PHKB: variants seen among roughly 807,000 people sequenced by gnomAD.
The protein encoded by PHKB is phosphorylase b kinase regulatory subunit beta.
A neutral mutation model predicts 152.1 loss-of-function variants in PHKB; 122 were observed. The ratio of observed to expected loss-of-function variants is 0.80; its 90% CI spans 0.69 to 0.93. The LOEUF is 0.93. Ranked by LOEUF, PHKB falls within the 40% of genes least tolerant of loss-of-function variation. PHKB has a pLI of 0.00. For missense variants in PHKB, 1,304 were observed against 1,328.4 expected (o/e 0.98, Z 0.29); for synonymous variants, 436 against 464.9 (o/e 0.94, Z 0.80).
chr16:47,697,335 G>C (rs1446905651), intron 29 of PHKB, among the ~76,000 whole-genome samples: 2 of 152,172 alleles, frequency 1.3e-5, no homozygotes, highest in African/African-American at 4.8e-5. Context: ...CCAGGATGTG[G>C]AATAGTATCA....
At chr16:47,587,346 T>C (rs1321186264) in intron 8 of PHKB, among the ~76,000 whole-genome samples, 1 of 152,222 alleles carries the variant, frequency 6.6e-6, no homozygotes, top group Non-Finnish European at 1.5e-5. Context: ...TTCTTTGTCA[T>C]GTTAGCTAAA....
intron 16 of PHKB, among the ~76,000 whole-genome samples, 161 bp downstream of exon 16, chr16:47,641,853 A>G (rs1449976548): frequency 6.6e-6 from 1 of 152,044 alleles, no homozygotes; most frequent in Non-Finnish European, 1.5e-5. Flanking sequence ...TTTAATGGAC[A>G]TTGTTACTAA....
intron 4 of PHKB, among the ~76,000 whole-genome samples, chr16:47,508,333 C>G (rs749926272): frequency 6.6e-6 from 1 of 152,128 alleles, no homozygotes; most frequent in African/African-American, 2.4e-5. Flanking sequence ...ATAATTCTGC[C>G]TACAGAGAGG....
intron 13 of PHKB, among the ~76,000 whole-genome samples, chr16:47,602,632 A>T (rs550014221): frequency 6.6e-6 from 1 of 150,810 alleles, no homozygotes; most frequent in East Asian, 2.0e-4. Flanking sequence ...TAGGAATCAG[A>T]CAGTCCAGGA....
intron 5 of PHKB, among the ~76,000 whole-genome samples, chr16:47,514,669 C>T (rs1016630435): frequency 3.3e-5 from 5 of 152,176 alleles, no homozygotes; most frequent in Non-Finnish European, 7.4e-5. Context: ...TAATGCTTTG[C>T]CAGCTGTCTA....
At position 47,694,402 on chromosome 16, in the gene PHKB, A is replaced by G. The variant is rs76482947; in HGVS notation, c.2895+895A>G. Among the ~76,000 whole-genome samples, 483 of 152,298 alleles carry G rather than the reference A, an allele frequency of 3.2e-3. 5 individuals are homozygous for G. Among genetic ancestry groups the G allele is most frequent in the Non-Finnish European group, 5.9e-3 (399 of 68,026 alleles). On this transcript the variant is annotated intron_variant, in intron 28 of 30. Coordinates refer to ENST00000323584, the MANE Select transcript of PHKB (RefSeq NM_000293.3). The stretch of plus-strand genomic sequence containing the variant: ...AAAGTATTCTCAAAGGCACAGACCC[A>G]CACTCATTTTGCTTGTATCTACCTA...
chr16:47,501,647 T>C (rs1308904400), intron 3 of PHKB, among the ~76,000 whole-genome samples: 1 of 152,212 alleles, frequency 6.6e-6, no homozygotes, highest in Non-Finnish European at 1.5e-5. Context: ...TGCAAGCTAA[T>C]GTTAAAATGG....
intron 13 of PHKB, 134 bp from the exon 14 acceptor site, chr16:47,610,692 T>C: frequency 1.4e-6 from 1 of 692,744 alleles, no homozygotes; most frequent in Non-Finnish European, 2.6e-6. Context: ...TGGTATATCC[T>C]GGTGGAGGAT....
intron 6 of PHKB, among the ~76,000 whole-genome samples, chr16:47,533,620 G>T (rs1458110991): frequency 6.6e-6 from 1 of 152,194 alleles, no homozygotes; most frequent in Non-Finnish European, 1.5e-5. Flanking sequence ...GGCTGTTATA[G>T]CATCTGGGCT....
chr16:47,682,807 G>T (rs1973887445), intron 26 of PHKB, among the ~76,000 whole-genome samples: 1 of 152,218 alleles, frequency 6.6e-6, no homozygotes, highest in South Asian at 2.1e-4. Flanking sequence ...TGCTGGTGAG[G>T]AGCTGCATTC....
chr16:47,495,586 T>C (rs1970218439), intron 1 of PHKB, among the ~76,000 whole-genome samples: 2 of 152,210 alleles, frequency 1.3e-5, no homozygotes, highest in Admixed American at 1.3e-4. Flanking sequence ...ATTATGATTA[T>C]TTGTACCTAA....
intron 1 of PHKB, among the ~76,000 whole-genome samples, chr16:47,478,399 A>G (rs1011605756): frequency 6.6e-6 from 1 of 152,096 alleles, no homozygotes; most frequent in African/African-American, 2.4e-5. Flanking sequence ...TTTTGGGGAA[A>G]ATTGTCATTA....
chr16:47,517,509 A>T (rs897501903), intron 6 of PHKB, among the ~76,000 whole-genome samples: 1 of 152,128 alleles, frequency 6.6e-6, no homozygotes, highest in African/African-American at 2.4e-5. Context: ...AGCCCACCTC[A>T]GTCTCCTAAA....
rs551393061 is a variant in PHKB at position 47,563,118 on chromosome 16, A to G, written c.710+15570A>G. On this transcript the variant is annotated intron_variant, in intron 7 of 30. Transcript: ENST00000323584. ...ACATCTGCTCACTCTTCTTCCATTG[A>G]AGTCTTGAACTCCTCACGCTTATCC... Among the ~76,000 whole-genome samples, 3 of 151,962 alleles carry G rather than the reference A, an allele frequency of 2.0e-5. No individual in the cohort carries two copies. The East Asian group carries it at 5.8e-4, about 29-fold the overall frequency.
chr16:47,543,181 A>G (rs1454002539), intron 6 of PHKB, among the ~76,000 whole-genome samples: 3 of 152,088 alleles, frequency 2.0e-5, no homozygotes, highest in Non-Finnish European at 4.4e-5. Context: ...TTCCATCAAT[A>G]CCTAGTTTAT....
chr16:47,575,945 G>A (rs2151690335), intron 7 of PHKB, among the ~76,000 whole-genome samples: 1 of 152,210 alleles, frequency 6.6e-6, no homozygotes, highest in Non-Finnish European at 1.5e-5. Context: ...GTGTGGTGGT[G>A]CATGCCTGTA....
intron 3 of PHKB, among the ~76,000 whole-genome samples, chr16:47,501,239 T>C (rs1044188007): frequency 2.6e-5 from 4 of 152,180 alleles, no homozygotes; most frequent in African/African-American, 9.7e-5. Context: ...AGTCTACATA[T>C]GAACAAAGCT....
At chr16:47,484,319 T>G (rs1597020448) in intron 1 of PHKB, among the ~76,000 whole-genome samples, 1 of 152,358 alleles carries the variant, frequency 6.6e-6, no homozygotes, top group East Asian at 1.9e-4. Context: ...TTCCTTTTTA[T>G]GAAGTTATAT....
intron 6 of PHKB, among the ~76,000 whole-genome samples, chr16:47,542,869 G>A (rs982147679): frequency 2.0e-5 from 3 of 152,212 alleles, no homozygotes; most frequent in Non-Finnish European, 4.4e-5. Flanking sequence ...AGACTTTGCT[G>A]AAGTTGCTTA....
Sources: gnomAD v4.1 joint callset for allele counts (sites outside exome capture counted in the v4.1 genomes callset) on GRCh38, gnomAD v4.1.1 for gene constraint, MANE v1.5 for transcripts, NCBI Gene and HGNC (gene_info 2026-07-23, HGNC 2026-07-21) for gene names.